F5: variants seen among roughly 807,000 people sequenced by gnomAD.
The protein encoded by F5 is activated protein c cofactor.
In F5, 138 loss-of-function variants were observed where a neutral mutation model predicts 216.4. That is an observed-to-expected ratio of 0.64 (90% CI 0.56 to 0.73). The LOEUF (loss-of-function observed/expected upper bound fraction) is 0.73, where lower values mean the gene tolerates loss of function less well. F5 is among the 30% of genes least tolerant of loss of function. F5 has a pLI of 0.00. For missense variants in F5, 2,403 were observed against 2,674.0 expected, an observed-to-expected ratio of 0.90 and a Z score of 2.24; for synonymous variants, 916 against 930.7, an observed-to-expected ratio of 0.98 and a Z score of 0.29.
chr1:169,562,642 C>A (rs1269232810), intron 3 of F5, among the ~76,000 whole-genome samples: 1 of 151,736 alleles, frequency 6.6e-6, no homozygotes, highest in Non-Finnish European at 1.5e-5. Context: ...TAGTGGTGCC[C>A]TTCCGTTTAC....
Position 169,549,933 on chromosome 1 carries a change from G to A in F5, c.1479C>T (p.Pro493=). 1 of 1,614,052 alleles carries A rather than the reference G, an allele frequency of 6.2e-7. No individual in the cohort carries two copies. The highest frequency in any genetic ancestry group is 8.5e-7 in the Non-Finnish European group (1 of 1,179,984). Reference sequence around the variant, plus strand: ...TTAAGCACTGGGCATCATTTTCTGTGGGTTCATCAAACTCTAAGATGTTCC... The same window carrying A: ...TTAAGCACTGGGCATCATTTTCTGTAGGTTCATCAAACTCTAAGATGTTCC... ...YKWNILEFDE[P]TENDAQCLTR... The change falls in exon 10 of 25, where the codon CCC becomes CCT. Residue 493 remains proline, a synonymous_variant. Coordinates refer to ENST00000367797, the MANE Select transcript of F5 (RefSeq NM_000130.5).
At chr1:169,516,860 A>G (rs1407725373) in intron 23 of F5, among the ~76,000 whole-genome samples, 1 of 152,198 alleles carries the variant, frequency 6.6e-6, no homozygotes, top group East Asian at 1.9e-4. Context: ...TTGAAATGAC[A>G]CCATTAAAAA....
In F5 at chr1:169,541,820, A is replaced by T; in HGVS notation, c.3270T>A (p.Asp1090Glu). ...TDLNQTLPSMDFGWIASLPDH... is the reference protein window; with the variant it reads ...TDLNQTLPSMEFGWIASLPDH... ...CAGGAAGTGAGGCTATCCAGCCAAA[A>T]TCCATAGAGGGCAATGTCTGATTGA... Residue 1090 changes from aspartate to glutamate, a missense_variant, in exon 13 of 25, where the codon GAT becomes GAA. Physicochemically the swap from Asp to Glu is conservative, Grantham distance 45. This residue lies in a region of F5 where 1,425 missense variants were observed against 1,554.8 expected (regional missense o/e 0.92). Transcript: ENST00000367797. 6.2e-7 allele frequency: 1 copy of T among 1,614,102 alleles called. No individual in the cohort carries two copies. Among genetic ancestry groups the T allele is most frequent in the Non-Finnish European group, 8.5e-7 (1 of 1,180,000 alleles).
At chr1:169,571,734 G>A (rs966446342) in intron 3 of F5, among the ~76,000 whole-genome samples, 9 of 152,016 alleles carry the variant, frequency 5.9e-5, no homozygotes, top group African/African-American at 1.4e-4. Context: ...GAAAGAATAC[G>A]GTAACAAAGT....
intron 8 of F5, 31 bp from the exon 9 acceptor site, chr1:169,550,770 T>C (rs764607146): frequency 6.7e-7 from 1 of 1,500,674 alleles, no homozygotes; most frequent in Admixed American, 1.7e-5. Context: ...TATTCTAGGA[T>C]TTAAGGTTGA....
At chr1:169,566,300 G>A (rs954840510) in intron 3 of F5, among the ~76,000 whole-genome samples, 1 of 152,038 alleles carries the variant, frequency 6.6e-6, no homozygotes, top group Non-Finnish European at 1.5e-5. Context: ...AGTAGAAAAT[G>A]ATATTCTTTC....
intron 2 of F5, among the ~76,000 whole-genome samples, chr1:169,576,025 G>A (rs1185226137): frequency 6.6e-6 from 1 of 152,072 alleles, no homozygotes; most frequent in Non-Finnish European, 1.5e-5. Context: ...TGGTTTTGAA[G>A]ATGGAGGAAG....
chr1:169,528,481 A>G (rs1033063680), intron 16 of F5, among the ~76,000 whole-genome samples: 3 of 152,218 alleles, frequency 2.0e-5, no homozygotes, highest in Non-Finnish European at 4.4e-5. Flanking sequence ...GATTAGAGTC[A>G]GCAAGGAGAT....
In F5 at chr1:169,542,383, C is replaced by T. The variant is rs768379997; in HGVS notation, c.2707G>A (p.Gly903Arg). 2.0e-5 allele frequency: 33 copies of T among 1,613,756 alleles called. No individual in the cohort carries two copies. Among genetic ancestry groups the T allele is most frequent in the South Asian group, 2.2e-5 (2 of 91,074 alleles). Residue 903 changes from glycine (G) to arginine (R), a missense_variant, in exon 13 of 25, where the codon GGA becomes AGA. Gly to Arg is a moderately radical substitution (Grantham distance 125). Around this residue, in one of 4 missense-constraint regions of F5, gnomAD observed 1,425 missense variants for 1,554.8 expected, o/e 0.92. Transcript: ENST00000367797. ...HLSQDTGSPS[G>R]MRPWEDLPSQ... ...GGAAGGTCCTCCCAGGGCCTCATTCCGGAAGGAGAACCAGTGTCTTGGCTT... is the reference window on the plus strand; with the variant it reads ...GGAAGGTCCTCCCAGGGCCTCATTCTGGAAGGAGAACCAGTGTCTTGGCTT...
In F5 at chr1:169,550,830, G is replaced by GGT. The variant is rs1660151454; in HGVS notation, c.1297-93_1297-92dup. 6.0e-5 allele frequency: 58 copies of GGT among 961,390 alleles called. 1 individual carries two copies. In the South Asian group the frequency reaches 7.5e-4, roughly 12 times the overall value. 59.6% of individuals were successfully genotyped at this position (961,390 alleles called of 1,614,324 possible). On this transcript the variant is annotated intron_variant, in intron 8 of 24. Coordinates refer to ENST00000367797, the MANE Select transcript of F5 (RefSeq NM_000130.5). ...AGCTTTGCATATTCACCTTTTGGATGGTGTGTGTGTATACATGTGTACACA... is the reference window on the plus strand; with the variant it reads ...AGCTTTGCATATTCACCTTTTGGATGGTGTGTGTGTGTATACATGTGTACACA...
intron 22 of F5, among the ~76,000 whole-genome samples, chr1:169,519,965 A>G (rs9332661): frequency 0.055 from 8,428 of 152,286 alleles, 348 homozygotes; most frequent in Admixed American, 0.1. Context: ...GGATTTATTT[A>G]TACCACAGGT....
intron 3 of F5, among the ~76,000 whole-genome samples, chr1:169,568,701 CAGTCGAT>C (rs1660663269): frequency 6.6e-6 from 1 of 152,080 alleles, no homozygotes; most frequent in Non-Finnish European, 1.5e-5. Flanking sequence ...ATTTCCTGCT[CAGTCGAT>C]AGTCAGCTTT....
intron 21 of F5, among the ~76,000 whole-genome samples, chr1:169,522,181 T>C (rs1178370605): frequency 6.6e-6 from 1 of 152,102 alleles, no homozygotes; most frequent in Non-Finnish European, 1.5e-5. Flanking sequence ...GAACATAGGA[T>C]CTGTAATTTA....
rs1000708750 is a variant in F5 at position 169,556,652 on chromosome 1, A to G, written c.946T>C (p.Leu316=). 2.5e-6 allele frequency: 4 copies of G among 1,613,782 alleles called. No individual in the cohort carries two copies. In the African/African-American group the frequency reaches 5.3e-5, roughly 22 times the overall value. ...WIISSLTPKH[L]QAGMQAYIDI... is the part of the protein sequence containing the mutation. ...TGTCAGGAGAGTTTCTTGCCTTGCA[A>G]ATGTTTTGGGGTGAGAGAAGATATG... Residue 316 remains leucine, a synonymous_variant, in exon 6 of 25, where the codon TTG becomes CTG. Transcript: ENST00000367797.
In F5 at chr1:169,515,627, C is replaced by T; in HGVS notation, c.6346-1G>A. ...CTAGCCACTGCTTATTGTTGTTTGCCTATGAAAATGACAAAAACACATAGA... is the reference window on the plus strand; with the variant it reads ...CTAGCCACTGCTTATTGTTGTTTGCTTATGAAAATGACAAAAACACATAGA... On this transcript the variant is annotated splice_acceptor_variant, in intron 23 of 24. Transcript: ENST00000367797. LOFTEE classifies it high-confidence loss of function. The T allele has an allele frequency of 1.2e-6, 2 of 1,612,124 alleles. No homozygotes were observed. The highest frequency in any genetic ancestry group is 1.7e-6 in the Non-Finnish European group (2 of 1,179,398).
intron 3 of F5, 144 bp downstream of exon 3, chr1:169,572,077 T>G (rs1402669777): frequency 3.2e-6 from 3 of 933,588 alleles, no homozygotes; most frequent in Non-Finnish European, 4.7e-6. Context: ...CTCTCAAAAC[T>G]TACAACAGCA....
chr1:169,558,703 G>A (rs1660385468), intron 5 of F5, among the ~76,000 whole-genome samples: 2 of 152,138 alleles, frequency 1.3e-5, no homozygotes, highest in African/African-American at 4.8e-5. Context: ...TATTCTAGAT[G>A]CCACTGAATA....
chr1:169,517,680 C>T (rs893840543), intron 23 of F5, among the ~76,000 whole-genome samples: 1 of 152,060 alleles, frequency 6.6e-6, no homozygotes, highest in Non-Finnish European at 1.5e-5. Context: ...GGGCTAATAT[C>T]AGGGACAGTA....
chr1:169,542,464 C>A lies in F5; in HGVS notation c.2626G>T (p.Ala876Ser). ...TTCATCCAGGAGAACCTGTGCTTTG[C>A]TGCTTGATCTCTTTCTACCTTGGGT... Reference protein sequence around the residue: ...KGPKVERDQAAKHRFSWMKLL... With the variant: ...KGPKVERDQASKHRFSWMKLL... The change falls in exon 13 of 25, where the codon GCA becomes TCA. Residue 876 changes from alanine (A) to serine (S), a missense_variant. Coordinates refer to ENST00000367797, the MANE Select transcript of F5 (RefSeq NM_000130.5). 6.2e-7 allele frequency: 1 copy of A among 1,614,100 alleles called. No homozygotes were observed. Among genetic ancestry groups the A allele is most frequent in the Non-Finnish European group, 8.5e-7 (1 of 1,179,996 alleles).
Sources: gnomAD v4.1 joint callset for allele counts (sites outside exome capture counted in the v4.1 genomes callset) on GRCh38, gnomAD v4.1.1 for gene constraint, gnomAD v4.1.1 regional missense constraint, MANE v1.5 for transcripts, NCBI Gene and HGNC (gene_info 2026-07-23, HGNC 2026-07-21) for gene names.